SVOPL: variants seen among roughly 807,000 people sequenced by gnomAD.
SVOPL encodes the protein SVOP like.
A neutral mutation model predicts 61.0 loss-of-function variants in SVOPL; 60 were observed. That is an observed-to-expected ratio of 0.98 (90% CI 0.80 to 1.22). The LOEUF (loss-of-function observed/expected upper bound fraction) is 1.22. SVOPL is among the 50% of genes most tolerant of loss of function. The pLI is 0.00. For synonymous variants in SVOPL, 279 were observed against 250.0 expected, an observed-to-expected ratio of 1.12 and a Z score of -1.09; for missense variants, 662 against 643.9, an observed-to-expected ratio of 1.03 and a Z score of -0.30.
chr7:138,676,089 A>G (rs1374879238), intron 3 of SVOPL, among the ~76,000 whole-genome samples: 1 of 152,034 alleles, frequency 6.6e-6, no homozygotes, highest in Admixed American at 6.6e-5. Context: ...ACCGGCCTTG[A>G]CCTCCCAGTG....
chr7:138,699,329 A>G (rs1562921879), intron 1 of SVOPL, among the ~76,000 whole-genome samples: 1 of 152,208 alleles, frequency 6.6e-6, no homozygotes, highest in Non-Finnish European at 1.5e-5. Flanking sequence ...TAATAAAAAC[A>G]AAAATAAAGT....
At chr7:138,687,231 T>C (rs1346164112) in intron 1 of SVOPL, among the ~76,000 whole-genome samples, 1 of 94,900 alleles carries the variant, frequency 1.1e-5, no homozygotes, top group South Asian at 3.3e-4. Context: ...TTTTCCTCTT[T>C]TTTTTTTTTT....
intron 14 of SVOPL, among the ~76,000 whole-genome samples, chr7:138,617,177 C>G (rs986359123): frequency 9.2e-5 from 14 of 151,950 alleles, no homozygotes; most frequent in Non-Finnish European, 1.8e-4. Flanking sequence ...ACCGTGTTGG[C>G]CAGGCTGGTC....
chr7:138,681,118 A>T (rs1270682861), intron 1 of SVOPL, among the ~76,000 whole-genome samples: 1 of 148,714 alleles, frequency 6.7e-6, no homozygotes, highest in Non-Finnish European at 1.5e-5. Context: ...CTACGTAAAA[A>T]ATTTATAATC....
chr7:138,686,198 T>C (rs1009438101), intron 1 of SVOPL, among the ~76,000 whole-genome samples: 1 of 151,384 alleles, frequency 6.6e-6, no homozygotes, highest in Non-Finnish European at 1.5e-5. Context: ...AGGTCAGGAG[T>C]TCGAGACCAG....
chr7:138,673,952 A>G (rs1802492406), intron 3 of SVOPL, among the ~76,000 whole-genome samples: 1 of 152,076 alleles, frequency 6.6e-6, no homozygotes, highest in African/African-American at 2.4e-5. Context: ...TGGGAGGCTG[A>G]GGCGGGCAGA....
chr7:138,694,564 C>T (rs1017156914), intron 1 of SVOPL, among the ~76,000 whole-genome samples: 11 of 151,566 alleles, frequency 7.3e-5, no homozygotes, highest in African/African-American at 2.7e-4. Flanking sequence ...GTTTTAACAA[C>T]AACAACAAAA....
In SVOPL at chr7:138,625,987, G is replaced by C. The variant is rs780677374; in HGVS notation, c.1245C>G (p.Val415=). 1.5e-5 allele frequency: 24 copies of C among 1,614,022 alleles called. No homozygotes were observed. The East Asian group carries it at 4.7e-4, about 31-fold the overall frequency. ...RALVAANFNT[V]YIYTAEVYPT... ...AACTCACCTCAGCTGTGTAAATGTA[G>C]ACGGTGTTGAAGTTTGCAGCTACCA... The change falls in exon 13 of 16, where the codon GTC becomes GTG. Residue 415 remains valine (V), a synonymous_variant. Coordinates refer to ENST00000674285, the MANE Select transcript of SVOPL (RefSeq NM_001139456.2).
chr7:138,663,324 C>G, intron 4 of SVOPL, 179 bp from the exon 5 acceptor site: 1 of 1,435,932 alleles, frequency 7.0e-7, no homozygotes, highest in Non-Finnish European at 9.1e-7. Flanking sequence ...AGGATTTCAG[C>G]TCCCTGTTGG....
intron 4 of SVOPL, among the ~76,000 whole-genome samples, chr7:138,666,388 C>G (rs993087297): frequency 3.3e-5 from 5 of 152,122 alleles, no homozygotes; most frequent in Admixed American, 1.3e-4. Context: ...TAAGTAAAAA[C>G]TTTGTTTTAT....
intron 3 of SVOPL, among the ~76,000 whole-genome samples, chr7:138,675,599 AC>A (rs1408887445): frequency 6.6e-6 from 1 of 151,736 alleles, no homozygotes; most frequent in Non-Finnish European, 1.5e-5. Context: ...CAGGTGATCT[AC>A]CCGCCTTGGC....
Position 138,696,704 on chromosome 7 carries a change from G to A in SVOPL, c.-35+4474C>T, listed in dbSNP as rs1054076039. On this transcript the variant is annotated intron_variant, in intron 1 of 15. Coordinates refer to ENST00000674285, the MANE Select transcript of SVOPL (RefSeq NM_001139456.2). ...CTCCCAAAGTGCTAGGATTACAGGC[G>A]TGAGCCACCGCACCCTGGTCTGCCC... 4.6e-5 allele frequency among the ~76,000 whole-genome samples: 7 copies of A among 152,204 alleles called. No homozygotes were observed. The South Asian group carries it at 8.3e-4, about 18-fold the overall frequency.
intron 14 of SVOPL, among the ~76,000 whole-genome samples, chr7:138,614,491 G>GT (rs2116836201): frequency 6.6e-6 from 1 of 151,716 alleles, no homozygotes; most frequent in Admixed American, 6.6e-5. Flanking sequence ...CGCCTCCTGG[G>GT]TTCAAGTGAC....
intron 4 of SVOPL, 120 bp from the exon 5 acceptor site, chr7:138,663,265 G>C: frequency 6.6e-7 from 1 of 1,517,012 alleles, no homozygotes; most frequent in South Asian, 1.3e-5. Context: ...TTAATTTAAA[G>C]AACAGGGTTT....
intron 3 of SVOPL, among the ~76,000 whole-genome samples, chr7:138,675,065 A>C (rs922542913): frequency 6.6e-6 from 1 of 151,984 alleles, no homozygotes; most frequent in African/African-American, 2.4e-5. Flanking sequence ...TTATCATCAA[A>C]ATAGGACTAG....
rs35593361 is a variant in SVOPL at position 138,672,656 on chromosome 7, TAA to T, written c.175-541_175-540del. On this transcript the variant is annotated intron_variant, in intron 3 of 15. Coordinates refer to ENST00000674285, the MANE Select transcript of SVOPL (RefSeq NM_001139456.2). ...GCAGGAAAGTGTTTTTTTTTGTGTT[TAA>T]AAAAAAAAAAAAAAAAAGAAGCAAT... is the stretch of plus-strand genomic sequence containing the variant. 4.2e-4 allele frequency among the ~76,000 whole-genome samples: 50 copies of T among 118,824 alleles called. 1 individual carries two copies. The highest frequency in any genetic ancestry group is 7.7e-4 in the Admixed American group (9 of 11,624). 78.0% of individuals were successfully genotyped at this position (118,824 alleles called of 152,430 possible). A position where few individuals can be genotyped will look rare whatever the true frequency, so the allele number is the denominator to read the frequency against.
At chr7:138,623,396 T>G (rs966136600) in intron 13 of SVOPL, among the ~76,000 whole-genome samples, 18 of 152,040 alleles carry the variant, frequency 1.2e-4, no homozygotes, top group African/African-American at 3.6e-4. Flanking sequence ...GTCAGAAGAT[T>G]GAGACCATCC....
intron 1 of SVOPL, among the ~76,000 whole-genome samples, chr7:138,696,767 C>T (rs1803073478): frequency 1.3e-5 from 2 of 152,000 alleles, no homozygotes; most frequent in Non-Finnish European, 1.5e-5. Context: ...CGGGGTCTTA[C>T]CATGTTGACC....
At chr7:138,608,969 T>C (rs1284895138) in intron 14 of SVOPL, among the ~76,000 whole-genome samples, 1 of 152,086 alleles carries the variant, frequency 6.6e-6, no homozygotes, top group Non-Finnish European at 1.5e-5. Flanking sequence ...CCCACACATA[T>C]ATATACACAC....
Sources: allele counts gnomAD v4.1 joint callset (sites outside exome capture counted in the v4.1 genomes callset), GRCh38; gene constraint gnomAD v4.1.1; transcripts MANE v1.5; gene names NCBI Gene and HGNC (gene_info 2026-07-23, HGNC 2026-07-21).